Variants in DPRX observed in about 807,000 individuals in gnomAD.
DPRX encodes divergent paired-related homeobox.
DPRX carries 11 observed loss-of-function variants against 8.4 expected under a neutral mutation model. That is an observed-to-expected ratio of 1.31 (90% confidence interval 0.82 to 2.17). DPRX has a LOEUF of 2.17. Among genes scored for constraint, DPRX ranks in the 30% most tolerant of loss-of-function variants. DPRX has a pLI of 0.00. For synonymous variants in DPRX, 72 were observed against 87.0 expected (o/e 0.83, Z 0.96); for missense variants, 211 against 236.7 (o/e 0.89, Z 0.71).
chr19:53,617,918 T>C, the DPRX span, among the ~76,000 whole-genome samples: 6 of 151,748 alleles, frequency 4.0e-5, no homozygotes, highest in Admixed American at 3.9e-4. Context: ...GGTGGGCAGA[T>C]CACGAGGTCA....
chr19:53,622,730 T>C, the DPRX span, among the ~76,000 whole-genome samples: 1 of 152,168 alleles, frequency 6.6e-6, no homozygotes, highest in Non-Finnish European at 1.5e-5. Flanking sequence ...AACCTTACTG[T>C]GCTTCTTGGT....
chr19:53,601,155 T>C, the DPRX span: 1 of 421,020 alleles, frequency 2.4e-6, no homozygotes, highest in South Asian at 1.7e-5. Context: ...TAGCTGGGAC[T>C]ACAGGCACAC....
chr19:53,631,154 G>A (rs1416258605), upstream of DPRX, among the ~76,000 whole-genome samples: 3 of 151,786 alleles, frequency 2.0e-5, no homozygotes, highest in African/African-American at 7.3e-5. Flanking sequence ...AGCCAGGCTT[G>A]GTGGTGGGTG....
chr19:53,610,793 C>T, the DPRX span, among the ~76,000 whole-genome samples: 3 of 152,078 alleles, frequency 2.0e-5, no homozygotes, highest in Non-Finnish European at 2.9e-5. Flanking sequence ...TATGTGTACC[C>T]GGAGACAATT....
the DPRX span, among the ~76,000 whole-genome samples, chr19:53,612,543 T>C: frequency 6.6e-6 from 1 of 151,574 alleles, no homozygotes; most frequent in Non-Finnish European, 1.5e-5. Context: ...CTCGTCTCTA[T>C]GAAAAATACA....
intron 1 of DPRX, among the ~76,000 whole-genome samples, chr19:53,633,709 C>A (rs2091101558): frequency 1.3e-5 from 2 of 152,064 alleles, no homozygotes; most frequent in Non-Finnish European, 2.9e-5. Context: ...AGGGTTTCAC[C>A]ATGTTAGCCA....
At chr19:53,615,797 T>C in the DPRX span, among the ~76,000 whole-genome samples, 6 of 152,136 alleles carry the variant, frequency 3.9e-5, no homozygotes, top group African/African-American at 1.4e-4. Flanking sequence ...AGCATTTTTT[T>C]CTTCTGTTTA....
At chr19:53,608,505 C>T in the DPRX span, 2 of 152,686 alleles carry the variant, frequency 1.3e-5, no homozygotes, top group South Asian at 4.2e-4. Context: ...AAGGCAGATC[C>T]GTGGTTGCCA....
chr19:53,613,772 C>T, the DPRX span, among the ~76,000 whole-genome samples: 14 of 152,110 alleles, frequency 9.2e-5, no homozygotes, highest in South Asian at 2.1e-4. Context: ...GAGTTTCATA[C>T]GGAATTGGGA....
upstream of DPRX, among the ~76,000 whole-genome samples, chr19:53,630,856 AT>A (rs899929440): frequency 1.3e-5 from 2 of 151,148 alleles, no homozygotes; most frequent in Non-Finnish European, 3.0e-5. Flanking sequence ...TTTTTCTTTT[AT>A]TTTTTTGAGA....
chr19:53,623,936 G>A, the DPRX span, among the ~76,000 whole-genome samples: 3 of 150,106 alleles, frequency 2.0e-5, no homozygotes, highest in Admixed American at 6.7e-5. Context: ...GGCAACAAGA[G>A]TGAAACTCCG....
At chr19:53,622,781 T>A in the DPRX span, among the ~76,000 whole-genome samples, 1 of 152,132 alleles carries the variant, frequency 6.6e-6, no homozygotes, top group African/African-American at 2.4e-5. Context: ...TCACGCCAGA[T>A]AAGGTTTGGG....
At chr19:53,632,170 C>T (rs780421739) in intron 1 of DPRX, 36 bp downstream of exon 1, 37 of 1,613,792 alleles carry the variant, frequency 2.3e-5, no homozygotes, top group South Asian at 1.9e-4. Flanking sequence ...AGCAAAGACA[C>T]GTGAAGAAGT....
upstream of DPRX, among the ~76,000 whole-genome samples, chr19:53,628,964 A>G (rs2091081073): frequency 2.6e-5 from 4 of 152,032 alleles, no homozygotes; most frequent in Admixed American, 2.6e-4. Context: ...CGGCCTGTCC[A>G]TCCACAAATG....
the DPRX span, among the ~76,000 whole-genome samples, chr19:53,603,136 C>T: frequency 6.6e-6 from 1 of 151,206 alleles, no homozygotes; most frequent in African/African-American, 2.4e-5. Flanking sequence ...ACTGAAGCCT[C>T]GACTGCCCAG....
At chr19:53,609,521 A>C in the DPRX span, among the ~76,000 whole-genome samples, 4,156 of 149,896 alleles carry the variant, frequency 0.028, 174 homozygotes, top group African/African-American at 0.087. Context: ...AACAAAAAAA[A>C]CCCCAAACAT....
At chr19:53,626,522 C>A in the DPRX span, among the ~76,000 whole-genome samples, 1 of 152,142 alleles carries the variant, frequency 6.6e-6, no homozygotes, top group Non-Finnish European at 1.5e-5. Context: ...GCACTGCACT[C>A]CAGCCTGGGA....
the DPRX span, among the ~76,000 whole-genome samples, chr19:53,601,531 G>A: frequency 5.1e-3 from 774 of 150,640 alleles, 3 homozygotes; most frequent in Non-Finnish European, 8.1e-3. Context: ...ACCCAGGCTG[G>A]AGTGCAGTGG....
upstream of DPRX, among the ~76,000 whole-genome samples, chr19:53,628,715 G>T (rs185177435): frequency 2.2e-4 from 34 of 151,812 alleles, no homozygotes; most frequent in East Asian, 6.7e-3. Flanking sequence ...TCAGCTTCCC[G>T]AGTAGCTGGG....
Sources: gnomAD v4.1 joint callset for allele counts (sites outside exome capture counted in the v4.1 genomes callset) on GRCh38, gnomAD v4.1.1 for gene constraint, MANE v1.5 for transcripts, NCBI Gene and HGNC (gene_info 2026-07-23, HGNC 2026-07-21) for gene names.